The following ATXN1 variants were observed in gnomAD, a reference collection of about 807,000 sequenced individuals.
ATXN1 encodes the protein ataxin-1.
In ATXN1, 8 loss-of-function variants were observed where a neutral mutation model predicts 56.4. The ratio of observed to expected loss-of-function variants is 0.14; its 90% CI spans 0.08 to 0.26. ATXN1 has a LOEUF of 0.26. ATXN1 is among the 10% of genes least tolerant of loss of function. The pLI, the probability that ATXN1 is intolerant of heterozygous loss-of-function variation, is 1.00. For missense variants in ATXN1, 987 were observed against 1,106.5 expected, an observed-to-expected ratio of 0.89 and a Z score of 1.53; for synonymous variants, 514 against 494.6, an observed-to-expected ratio of 1.04 and a Z score of -0.52.
chr6:16,349,261 T>C (rs2113457206), intron 6 of ATXN1, among the ~76,000 whole-genome samples: 1 of 152,296 alleles, frequency 6.6e-6, no homozygotes, highest in Non-Finnish European at 1.5e-5. Flanking sequence ...TCCCAGCACT[T>C]TGGGAGGCTG....
rs538693582 is a variant in ATXN1, at chr6:16,745,643, A to G, written c.-615+7590T>C. 7.2e-5 allele frequency among the ~76,000 whole-genome samples: 11 copies of G among 152,300 alleles called. 1 individual carries two copies. Among genetic ancestry groups the G allele is most frequent in the African/African-American group, 2.4e-4 (10 of 41,580 alleles). On this transcript the variant is annotated intron_variant, in intron 2 of 7. Transcript: ENST00000436367. ...TAAAAACATGGTATTTTTATCAGTCATGTGTAGTAAACACTCTTTTCTGTA... is the reference window on the plus strand; with the variant it reads ...TAAAAACATGGTATTTTTATCAGTCGTGTGTAGTAAACACTCTTTTCTGTA...
chr6:16,522,870 A>G (rs528411255), intron 4 of ATXN1, among the ~76,000 whole-genome samples, 182 bp from the exon 5 acceptor site: 5 of 152,320 alleles, frequency 3.3e-5, no homozygotes, highest in East Asian at 3.9e-4. Flanking sequence ...TATGAATTTT[A>G]AAAGCAGAGC....
chr6:16,735,287 C>A (rs1760091147), intron 2 of ATXN1, among the ~76,000 whole-genome samples: 1 of 152,140 alleles, frequency 6.6e-6, no homozygotes, highest in Non-Finnish European at 1.5e-5. Flanking sequence ...CCTCAATATG[C>A]CAGCCAGCCA....
intron 2 of ATXN1, among the ~76,000 whole-genome samples, chr6:16,749,712 C>T (rs1297044965): frequency 3.3e-5 from 5 of 152,120 alleles, no homozygotes; most frequent in Non-Finnish European, 7.4e-5. Flanking sequence ...TCTCCGCTGC[C>T]TCTTACCTTC....
chr6:16,367,803 G>T (rs896020917), intron 6 of ATXN1, among the ~76,000 whole-genome samples: 3 of 151,462 alleles, frequency 2.0e-5, no homozygotes, highest in African/African-American at 7.3e-5. Context: ...AAACAAAAAT[G>T]TGGTATGGTT....
At chr6:16,630,757 T>C (rs1438255541) in intron 3 of ATXN1, among the ~76,000 whole-genome samples, 1 of 152,188 alleles carries the variant, frequency 6.6e-6, no homozygotes, top group South Asian at 2.1e-4. Context: ...TCAGAAGATA[T>C]TAAGACGACA....
At chr6:16,627,074 T>C (rs1763419457) in intron 3 of ATXN1, among the ~76,000 whole-genome samples, 1 of 152,230 alleles carries the variant, frequency 6.6e-6, no homozygotes, top group African/African-American at 2.4e-5. Flanking sequence ...TGTGGCCCTA[T>C]AAATGGCTAT....
intron 3 of ATXN1, among the ~76,000 whole-genome samples, chr6:16,620,738 G>A (rs1023334172): frequency 4.6e-5 from 7 of 152,216 alleles, no homozygotes; most frequent in Admixed American, 2.6e-4. Context: ...ACAGCTGGGT[G>A]TGCAAAGTGC....
intron 6 of ATXN1, among the ~76,000 whole-genome samples, chr6:16,363,103 C>T (rs1761846886): frequency 6.6e-6 from 1 of 152,202 alleles, no homozygotes; most frequent in South Asian, 2.1e-4. Flanking sequence ...TGTTATTTCA[C>T]CCCAACAGAC....
intron 3 of ATXN1, among the ~76,000 whole-genome samples, chr6:16,592,834 G>A (rs1762746382): frequency 7.8e-6 from 1 of 128,196 alleles, no homozygotes; most frequent in South Asian, 2.7e-4. Context: ...AGCTGGAAAA[G>A]AATCTGAGCA....
intron 6 of ATXN1, among the ~76,000 whole-genome samples, chr6:16,429,362 G>T (rs935218626): frequency 1.9e-5 from 2 of 107,956 alleles, no homozygotes; most frequent in Non-Finnish European, 3.7e-5. Flanking sequence ...AGGATGTTTG[G>T]AGTCCTTTTA....
chr6:16,380,865 G>A (rs1194496976), intron 6 of ATXN1, among the ~76,000 whole-genome samples: 1 of 152,076 alleles, frequency 6.6e-6, no homozygotes, highest in Non-Finnish European at 1.5e-5. Context: ...TTTATATATT[G>A]ACATCCTGAC....
intron 2 of ATXN1, among the ~76,000 whole-genome samples, chr6:16,709,013 G>A (rs1319709257): frequency 5.0e-5 from 7 of 140,056 alleles, no homozygotes; most frequent in African/African-American, 1.1e-4. Flanking sequence ...GTGAAAGAGC[G>A]AAACTCTGTC....
chr6:16,400,347 C>T (rs1758542310), intron 6 of ATXN1, among the ~76,000 whole-genome samples: 1 of 152,142 alleles, frequency 6.6e-6, no homozygotes, highest in Admixed American at 6.5e-5. Flanking sequence ...GGAGAGAGCT[C>T]AACCTCCCAA....
rs1760095703 is a variant in ATXN1 at position 16,465,943 on chromosome 6, A to C, written c.-161+20029T>G. Among the ~76,000 whole-genome samples the C allele has an allele frequency of 2.0e-5, 3 of 152,160 alleles. No individual in the cohort carries two copies. The South Asian group carries it at 6.2e-4, about 32-fold the overall frequency. On this transcript the variant is annotated intron_variant, in intron 6 of 7. Transcript: ENST00000436367. ...AGTAAACAGAAAATACAAGGATTCT[A>C]AGGGAATGCATAATTTCCAAGAAAA... is the stretch of plus-strand genomic sequence containing the variant.
chr6:16,760,591 C>G lies in ATXN1; in HGVS notation c.-730+707G>C, dbSNP rs1406039451. Among the ~76,000 whole-genome samples, 3 of 150,640 alleles carry G rather than the reference C, an allele frequency of 2.0e-5. No individual in the cohort carries two copies. Among genetic ancestry groups the G allele is most frequent in the South Asian group, 4.2e-4 (2 of 4,776 alleles). On this transcript the variant is annotated intron_variant, in intron 1 of 7. Coordinates refer to ENST00000436367, the MANE Select transcript of ATXN1 (RefSeq NM_001128164.2). The surrounding 1 kb of genome is among the most constrained non-coding windows in gnomAD (Gnocchi z 5.3). ...GCCCCCCGCCCGGCACCCGGCCGCG[C>G]GCAAAGTCCCGTCCCGGCTGCAGGA...
chr6:16,309,192 C>A (rs1418899466), intron 7 of ATXN1, among the ~76,000 whole-genome samples: 1 of 148,680 alleles, frequency 6.7e-6, no homozygotes. Context: ...CACAAGACTG[C>A]ACTCCAGCCT....
intron 4 of ATXN1, among the ~76,000 whole-genome samples, chr6:16,566,484 T>C (rs1457401673): frequency 2.6e-5 from 4 of 152,022 alleles, no homozygotes; most frequent in African/African-American, 7.2e-5. Context: ...CAAGCGATCC[T>C]CCCGCCTCAG....
chr6:16,664,506 G>C (rs1040779944), intron 2 of ATXN1, among the ~76,000 whole-genome samples: 2 of 152,064 alleles, frequency 1.3e-5, no homozygotes, highest in Admixed American at 6.6e-5. Context: ...AAAAAGGTTG[G>C]GATAATTTGT....
Sources: gnomAD v4.1 joint callset for allele counts (sites outside exome capture counted in the v4.1 genomes callset) on GRCh38, gnomAD v4.1.1 for gene constraint, Gnocchi (gnomAD v3.1) non-coding constraint, MANE v1.5 for transcripts, NCBI Gene and HGNC (gene_info 2026-07-23, HGNC 2026-07-21) for gene names.